ZFP64: variants seen among roughly 807,000 people sequenced by gnomAD.
ZFP64 encodes the protein ZFP64 zinc finger protein.
ZFP64 carries 14 observed loss-of-function variants against 51.6 expected under a neutral mutation model. The observed-to-expected ratio is 0.27, with a 90% CI of 0.18 to 0.42. The LOEUF is 0.42. ZFP64 is among the 10% of genes least tolerant of loss of function. ZFP64 has a pLI of 1.00. For synonymous variants in ZFP64, 375 were observed against 361.4 expected (o/e 1.04, Z -0.43); for missense variants, 754 against 906.8 (o/e 0.83, Z 2.16).
Position 52,160,265 on chromosome 20 carries a change from C to A in ZFP64, c.621G>T (p.Thr207=), listed in dbSNP as rs150124970. Reference sequence around the variant, plus strand: ...TGCTGTCGGCAGCGGCGTAGTCACACGTCTTACACTTGTAGGGCTTCACGC... The same window carrying A: ...TGCTGTCGGCAGCGGCGTAGTCACAAGTCTTACACTTGTAGGGCTTCACGC... The part of the protein sequence containing the change: ...HTGVKPYKCK[T]CDYAAADSSS... Residue 207 remains threonine, a synonymous_variant, in exon 5 of 6, where the codon ACG becomes ACT. Transcript: ENST00000216923. This position sits in a 1 kb window ranked among gnomAD's most constrained non-coding sequence, Gnocchi z 4.2. The A allele has an allele frequency of 1.2e-6, 2 of 1,614,136 alleles. No homozygotes were observed. The highest frequency in any genetic ancestry group is 1.6e-4 in the Middle Eastern group (1 of 6,062).
At chr20:52,126,292 G>A (rs1383702106) in intron 5 of ZFP64, among the ~76,000 whole-genome samples, 3 of 152,236 alleles carry the variant, frequency 2.0e-5, no homozygotes, top group South Asian at 2.1e-4. Flanking sequence ...ACTGAAATTC[G>A]GGAAGTTATT....
intron 1 of ZFP64, among the ~76,000 whole-genome samples, chr20:52,187,945 A>G (rs557607084): frequency 1.3e-5 from 2 of 152,350 alleles, no homozygotes; most frequent in East Asian, 3.9e-4. Context: ...ACATACTATG[A>G]GAACCAATAG....
rs142217065 is a variant in ZFP64, at chr20:52,184,648, A to G, written c.286+2184T>C. 3.7e-3 allele frequency among the ~76,000 whole-genome samples: 539 copies of G among 144,788 alleles called. 6 individuals carry two copies. The highest frequency in any genetic ancestry group is 0.013 in the African/African-American group (508 of 37,940). The allele number at this position is 144,788 out of a possible 152,430, so 95.0% of individuals were successfully genotyped here. ...TCCCTCTTTTTTATTTTATTTAAGA[A>G]ACAGGGTCTCATTTGTCACCCAGGC... On this transcript the variant is annotated intron_variant, in intron 2 of 5. Coordinates refer to ENST00000216923, the MANE Select transcript of ZFP64 (RefSeq NM_018197.3).
intron 1 of ZFP64, among the ~76,000 whole-genome samples, chr20:52,189,481 C>CTT (rs544103939): frequency 6.9e-6 from 1 of 144,514 alleles, no homozygotes; most frequent in African/African-American, 2.5e-5. Context: ...AATTTTTTTC[C>CTT]TTTTTTTTTT....
intron 2 of ZFP64, chr20:52,175,842 TTCCCCCCGCACCCCCGC>T: frequency 4.9e-6 from 1 of 203,650 alleles, no homozygotes; most frequent in Non-Finnish European, 8.7e-6. Flanking sequence ...CTCCGTTCCC[TTCCCCCCGCACCCCCGC>T]TGCCGCCCCC....
intron 5 of ZFP64, among the ~76,000 whole-genome samples, chr20:52,100,067 C>G (rs139009525): frequency 6.6e-6 from 1 of 152,182 alleles, no homozygotes; most frequent in African/African-American, 2.4e-5. Context: ...GATCTTGGCT[C>G]ACTGCAAATT....
intron 2 of ZFP64, among the ~76,000 whole-genome samples, chr20:52,172,476 T>C (rs1372171935): frequency 1.3e-5 from 2 of 152,018 alleles, no homozygotes; most frequent in African/African-American, 4.8e-5. Flanking sequence ...CTATGCATAA[T>C]AGGTTATTAT....
At chr20:52,111,094 A>C (rs1600717148) in intron 5 of ZFP64, 1 of 969,694 alleles carries the variant, frequency 1.0e-6, no homozygotes, top group South Asian at 1.4e-5. Flanking sequence ...GGGAAGCGGC[A>C]GGGAGAGAGA....
chr20:52,094,846 C>T (rs1359138484), intron 7 of ZFP64, among the ~76,000 whole-genome samples: 3 of 152,192 alleles, frequency 2.0e-5, no homozygotes, highest in Admixed American at 6.5e-5. Flanking sequence ...GCTTTCTGAG[C>T]TTGGTTTTAA....
intron 5 of ZFP64, among the ~76,000 whole-genome samples, chr20:52,113,420 TTC>T (rs924956981): frequency 1.4e-5 from 2 of 141,418 alleles, no homozygotes; most frequent in African/African-American, 5.4e-5. Flanking sequence ...TTGCCAGGAA[TTC>T]TTTTTTTTTT....
intron 5 of ZFP64, among the ~76,000 whole-genome samples, chr20:52,117,072 C>T (rs1025883015): frequency 6.8e-6 from 1 of 146,068 alleles, no homozygotes; most frequent in African/African-American, 2.5e-5. Flanking sequence ...CTCTGTCTCA[C>T]ACACACACGC....
intron 5 of ZFP64, among the ~76,000 whole-genome samples, chr20:52,139,077 CT>C (rs1283982431): frequency 4.6e-5 from 7 of 152,312 alleles, no homozygotes; most frequent in Admixed American, 3.3e-4. Context: ...CATTTGTACA[CT>C]GCTTGTGGGA....
At chr20:52,103,902 C>T (rs891143812) in intron 5 of ZFP64, among the ~76,000 whole-genome samples, 6 of 152,176 alleles carry the variant, frequency 3.9e-5, no homozygotes, top group Admixed American at 6.5e-5. Flanking sequence ...CTACTCCCCT[C>T]CACCACCACC....
intron 5 of ZFP64, among the ~76,000 whole-genome samples, chr20:52,133,857 T>C (rs1364787096): frequency 2.0e-5 from 3 of 151,950 alleles, no homozygotes; most frequent in Non-Finnish European, 4.4e-5. Flanking sequence ...TGTAAGACCC[T>C]GTCTCTACAA....
At chr20:52,114,919 C>T (rs762853236) in intron 5 of ZFP64, among the ~76,000 whole-genome samples, 18 of 152,260 alleles carry the variant, frequency 1.2e-4, no homozygotes, top group Non-Finnish European at 1.2e-4. Context: ...CAGGCCAGGC[C>T]GGGCACGGTG....
chr20:52,176,499 A>ATC lies in ZFP64; in HGVS notation c.286+10331_286+10332dup, dbSNP rs1017134775. ...TAAAATATTTCTAGCTTCTGGTTCAATCTCTCTTTTTTTTTTTTTTTGAGA... is the reference window on the plus strand; with the variant it reads ...TAAAATATTTCTAGCTTCTGGTTCAATCTCTCTCTTTTTTTTTTTTTTTGAGA... On this transcript the variant is annotated intron_variant, in intron 2 of 5. Coordinates refer to ENST00000216923, the MANE Select transcript of ZFP64 (RefSeq NM_018197.3). 2.1e-5 allele frequency among the ~76,000 whole-genome samples: 3 copies of ATC among 145,256 alleles called. No homozygotes were observed. The Middle Eastern group carries it at 0.011, about 519-fold the overall frequency.
intron 5 of ZFP64, among the ~76,000 whole-genome samples, chr20:52,140,657 G>A (rs377200908): frequency 1.3e-5 from 2 of 152,300 alleles, no homozygotes; most frequent in Non-Finnish European, 2.9e-5. Flanking sequence ...TCTCCACATC[G>A]TAAAAGTGCA....
intron 5 of ZFP64, chr20:52,104,905 G>A (rs565029492): frequency 2.2e-5 from 15 of 671,748 alleles, no homozygotes; most frequent in East Asian, 2.2e-4. Context: ...GCTCTTGAGA[G>A]GAGTGGCTAG....
At chr20:52,163,177 A>C (rs1981969169) in intron 4 of ZFP64, among the ~76,000 whole-genome samples, 1 of 152,256 alleles carries the variant, frequency 6.6e-6, no homozygotes, top group Admixed American at 6.5e-5. Flanking sequence ...CCTGACCAAC[A>C]TGGAGAAACC....
Sources: gnomAD v4.1 joint callset for allele counts (sites outside exome capture counted in the v4.1 genomes callset) on GRCh38, gnomAD v4.1.1 for gene constraint, Gnocchi (gnomAD v3.1) non-coding constraint, MANE v1.5 for transcripts, NCBI Gene and HGNC (gene_info 2026-07-23, HGNC 2026-07-21) for gene names.